MERTK: variants seen among roughly 807,000 people sequenced by gnomAD.
MERTK encodes the protein tyrosine-protein kinase Mer.
A neutral mutation model predicts 99.3 loss-of-function variants in MERTK; 69 were observed. The observed-to-expected ratio is 0.70, with a 90% CI of 0.57 to 0.85. MERTK has a LOEUF of 0.85. MERTK is among the 40% of genes least tolerant of loss of function. MERTK has a pLI of 0.00. For missense variants in MERTK, 1,125 were observed against 1,249.4 expected (o/e 0.90, Z 1.50); for synonymous variants, 426 against 467.6 (o/e 0.91, Z 1.15).
chr2:111,985,994 C>T (rs1266417193), intron 8 of MERTK, among the ~76,000 whole-genome samples: 1 of 152,176 alleles, frequency 6.6e-6, no homozygotes, highest in African/African-American at 2.4e-5. Flanking sequence ...TCATTTTTAG[C>T]CACATATCAT....
chr2:111,959,483 TTTTG>T (rs1158296968), intron 4 of MERTK, among the ~76,000 whole-genome samples: 1 of 152,000 alleles, frequency 6.6e-6, no homozygotes, highest in Non-Finnish European at 1.5e-5. Context: ...CTTTTTGGTT[TTTTG>T]TTTGTTTGTT....
intron 1 of MERTK, among the ~76,000 whole-genome samples, chr2:111,920,317 C>T (rs1363255978): frequency 6.6e-6 from 1 of 152,146 alleles, no homozygotes; most frequent in Non-Finnish European, 1.5e-5. Flanking sequence ...GCACACACTG[C>T]CCAGCCATTT....
chr2:112,002,902 G>A (rs1237485980), intron 11 of MERTK, among the ~76,000 whole-genome samples, 190 bp from the exon 12 acceptor site: 2 of 152,174 alleles, frequency 1.3e-5, no homozygotes, highest in African/African-American at 4.8e-5. Flanking sequence ...GAACCCAGGA[G>A]GCAGAGGTTG....
rs572832084 is a variant in MERTK at position 111,900,754 on chromosome 2, C to T, written c.61+1958C>T. Reference sequence around the variant, plus strand: ...ACCTATGAGATGTGTGACAGTTTTACATCTCACCTTGTGAAAAGCTTAAAG... The same window carrying T: ...ACCTATGAGATGTGTGACAGTTTTATATCTCACCTTGTGAAAAGCTTAAAG... On this transcript the variant is annotated intron_variant, in intron 1 of 18. Coordinates refer to ENST00000295408, the MANE Select transcript of MERTK (RefSeq NM_006343.3). Among the ~76,000 whole-genome samples, 5 of 152,332 alleles carry T rather than the reference C, an allele frequency of 3.3e-5. No individual in the cohort carries two copies. The South Asian group carries it at 1.0e-3, about 32-fold the overall frequency.
chr2:111,989,190 A>T (rs529618429), intron 8 of MERTK, among the ~76,000 whole-genome samples: 20 of 152,112 alleles, frequency 1.3e-4, no homozygotes, highest in Non-Finnish European at 2.6e-4. Context: ...GAAGAACAGG[A>T]CGTGTTTTGC....
rs564075297 is a variant in MERTK at position 111,920,714 on chromosome 2, C to T, written c.62-8406C>T. On this transcript the variant is annotated intron_variant, in intron 1 of 18. Transcript: ENST00000295408. ...TGTTGCCTACGCTGGAGTGCAGTGG[C>T]GTGATCTCAGCTCACTGCAACTTCT... 3.9e-5 allele frequency among the ~76,000 whole-genome samples: 6 copies of T among 152,182 alleles called. No homozygotes were observed. In the East Asian group the frequency reaches 9.7e-4, roughly 24 times the overall value.
intron 1 of MERTK, among the ~76,000 whole-genome samples, chr2:111,919,192 G>C (rs996213224): frequency 3.3e-5 from 5 of 152,042 alleles, no homozygotes; most frequent in African/African-American, 1.2e-4. Context: ...GTCAAACCTG[G>C]GCCCTCTGCA....
intron 1 of MERTK, among the ~76,000 whole-genome samples, chr2:111,918,456 T>C (rs1684393233): frequency 6.6e-6 from 1 of 151,882 alleles, no homozygotes; most frequent in Non-Finnish European, 1.5e-5. Flanking sequence ...AAAGCCACAG[T>C]TGGGCCTCCG....
At chr2:111,899,246 G>T (rs1048124493) in intron 1 of MERTK, among the ~76,000 whole-genome samples, 1 of 152,244 alleles carries the variant, frequency 6.6e-6, no homozygotes, top group African/African-American at 2.4e-5. Flanking sequence ...GTCTCCCGAG[G>T]GACCGGCGCG....
chr2:111,933,354 A>G (rs1294453070), intron 2 of MERTK, among the ~76,000 whole-genome samples: 1 of 152,226 alleles, frequency 6.6e-6, no homozygotes, highest in African/African-American at 2.4e-5. Context: ...CTTTCAATAT[A>G]AGTAATTTTG....
Position 112,028,548 on chromosome 2 carries a change from T to C in MERTK, c.2684T>C (p.Leu895Ser). Reference sequence around the variant, plus strand: ...GGCTCCACCCTTGCTCCACTGGACTTGAACATCGACCCTGACTCTATAATT... The same window carrying C: ...GGCTCCACCCTTGCTCCACTGGACTCGAACATCGACCCTGACTCTATAATT... Reference protein sequence around the residue: ...AQGSTLAPLDLNIDPDSIIAS... With the variant: ...AQGSTLAPLDSNIDPDSIIAS... The change falls in exon 19 of 19, where the codon TTG (leucine) becomes TCG (serine). Residue 895 changes from leucine to serine, a missense_variant. Physicochemically the swap from Leu to Ser is moderately radical, Grantham distance 145 (BLOSUM62 -2). Transcript: ENST00000295408. 6.2e-7 allele frequency: 1 copy of C among 1,614,202 alleles called. No individual in the cohort carries two copies. The highest frequency in any genetic ancestry group is 1.3e-5 in the African/African-American group (1 of 75,036).
chr2:111,976,522 CTGTGTGTGTGTGTGTGTGTG>C lies in MERTK; in HGVS notation c.1144+1080_1144+1099del, dbSNP rs70962971. On this transcript the variant is annotated intron_variant, in intron 7 of 18. Coordinates refer to ENST00000295408, the MANE Select transcript of MERTK (RefSeq NM_006343.3). ...GTAAGCCAGAAATCATGACAAAAAC[CTGTGTGTGTGTGTGTGTGTG>C]TGTGTGTGTGTGTGTGTGTGTGTGT... Among the ~76,000 whole-genome samples the C allele has an allele frequency of 3.0e-3, 415 of 136,792 alleles. 2 individuals are homozygous for C. Among genetic ancestry groups the C allele is most frequent in the African/African-American group, 5.3e-3 (190 of 35,620 alleles). 89.7% of individuals were successfully genotyped at this position (136,792 alleles called of 152,430 possible).
intron 2 of MERTK, among the ~76,000 whole-genome samples, chr2:111,933,189 C>T (rs1485771132): frequency 6.6e-6 from 1 of 152,042 alleles, no homozygotes; most frequent in Non-Finnish European, 1.5e-5. Context: ...GACACTGAGC[C>T]CCATGAGCAG....
Position 112,028,119 on chromosome 2 carries a change from C to G in MERTK, c.2487-232C>G, listed in dbSNP as rs6723394. 3.5e-5 allele frequency: 20 copies of G among 576,758 alleles called. No individual in the cohort carries two copies. In the African/African-American group the frequency reaches 3.6e-4, roughly 10 times the overall value. The allele number at this position is 576,758 out of a possible 1,614,324, so 35.7% of individuals were successfully genotyped here. A position where few individuals can be genotyped will look rare whatever the true frequency, so the allele number is the denominator to read the frequency against. On this transcript the variant is annotated intron_variant, in intron 18 of 18. Transcript: ENST00000295408. ...TCCTTATCTGCAAAGTTAGATATAACTGCCACATATGTGCTCTTCCTAGAA... is the reference window on the plus strand; with the variant it reads ...TCCTTATCTGCAAAGTTAGATATAAGTGCCACATATGTGCTCTTCCTAGAA...
intron 1 of MERTK, among the ~76,000 whole-genome samples, chr2:111,899,328 G>GC (rs966690761): frequency 1.5e-4 from 22 of 149,466 alleles, no homozygotes; most frequent in African/African-American, 5.3e-4. Context: ...CGAGCGACGG[G>GC]CCAGGGGGGG....
intron 1 of MERTK, among the ~76,000 whole-genome samples, chr2:111,902,270 A>C (rs1236813985): frequency 6.6e-6 from 1 of 152,240 alleles, no homozygotes; most frequent in Non-Finnish European, 1.5e-5. Flanking sequence ...AGCATTGGTC[A>C]AGAAGAGGTT....
intron 1 of MERTK, among the ~76,000 whole-genome samples, chr2:111,920,611 T>G (rs2104676730): frequency 6.6e-6 from 1 of 152,156 alleles, no homozygotes; most frequent in East Asian, 1.9e-4. Context: ...TCTGTTTGTT[T>G]GTTTTTCTTC....
At chr2:111,938,162 G>A (rs1001560389) in intron 2 of MERTK, among the ~76,000 whole-genome samples, 3 of 151,968 alleles carry the variant, frequency 2.0e-5, no homozygotes, top group South Asian at 2.1e-4. Context: ...TTGCAGCCTC[G>A]ACCTCCCAGG....
intron 1 of MERTK, 57 bp from the exon 2 acceptor site, chr2:111,929,063 C>G: frequency 6.2e-7 from 1 of 1,602,132 alleles, no homozygotes; most frequent in Non-Finnish European, 8.5e-7. Flanking sequence ...AGTTGGGAAC[C>G]TACTTGGGAA....
Sources: allele counts gnomAD v4.1 joint callset (sites outside exome capture counted in the v4.1 genomes callset), GRCh38; gene constraint gnomAD v4.1.1; transcripts MANE v1.5; gene names NCBI Gene and HGNC (gene_info 2026-07-23, HGNC 2026-07-21).